The following SLC16A7 variants were observed in gnomAD, a reference collection of about 807,000 sequenced individuals.
SLC16A7 encodes the protein monocarboxylate transporter 2.
SLC16A7 carries 33 observed loss-of-function variants against 34.9 expected under a neutral mutation model. The ratio of observed to expected loss-of-function variants is 0.94; its 90% CI spans 0.72 to 1.26. SLC16A7 has a LOEUF of 1.26. SLC16A7 is among the 50% of genes most tolerant of loss of function. The probability of loss-of-function intolerance (pLI) is 0.00; values close to 1 mark genes in which losing one functional copy is unlikely to be tolerated. For synonymous variants in SLC16A7, 201 were observed against 206.6 expected (o/e 0.97, Z 0.23); for missense variants, 573 against 578.1 (o/e 0.99, Z 0.09).
intron 1 of SLC16A7, among the ~76,000 whole-genome samples, chr12:59,650,669 T>G (rs1287617616): frequency 6.6e-6 from 1 of 152,128 alleles, no homozygotes; most frequent in Non-Finnish European, 1.5e-5. Flanking sequence ...TCACATATAG[T>G]TATGTCCCAG....
chr12:59,739,541 TC>T (rs1243032758), intron 3 of SLC16A7, among the ~76,000 whole-genome samples: 6 of 144,700 alleles, frequency 4.1e-5, no homozygotes, highest in Non-Finnish European at 9.0e-5. Context: ...TGATTTATAG[TC>T]CTTTGGGTAT....
chr12:59,634,017 C>A (rs1484975245), intron 1 of SLC16A7, among the ~76,000 whole-genome samples: 1 of 152,056 alleles, frequency 6.6e-6, no homozygotes, highest in Non-Finnish European at 1.5e-5. Flanking sequence ...TGCTTAGTAA[C>A]CCTTACTGAT....
intron 2 of SLC16A7, among the ~76,000 whole-genome samples, chr12:59,704,363 G>A (rs891569660): frequency 2.0e-5 from 3 of 152,066 alleles, no homozygotes; most frequent in African/African-American, 4.8e-5. Context: ...CCTTGGCTTA[G>A]CCTTAAACAG....
chr12:59,613,251 A>G (rs2136970007), intron 1 of SLC16A7, among the ~76,000 whole-genome samples: 1 of 152,310 alleles, frequency 6.6e-6, no homozygotes, highest in South Asian at 2.1e-4. Context: ...CCCTTATAAA[A>G]CCATCAGATC....
chr12:59,706,643 T>A (rs139335791), intron 3 of SLC16A7, among the ~76,000 whole-genome samples: 51 of 152,230 alleles, frequency 3.4e-4, no homozygotes, highest in Middle Eastern at 6.8e-3. Context: ...AAACAGTAGG[T>A]ATTGTAGAGT....
Position 59,775,076 on chromosome 12 carries a change from T to C in SLC16A7, c.781T>C (p.Phe261Leu). The C allele has an allele frequency of 3.1e-6, 5 of 1,614,108 alleles. No homozygotes were observed. Among genetic ancestry groups the C allele is most frequent in the Non-Finnish European group, 4.2e-6 (5 of 1,180,000 alleles). Residue 261 changes from phenylalanine to leucine, a missense_variant, in exon 5 of 6, where the codon TTT becomes CTT. Phe to Leu is a conservative substitution (Grantham distance 22). Coordinates refer to ENST00000547379, the MANE Select transcript of SLC16A7 (RefSeq NM_001270623.2). Reference protein sequence around the residue: ...LSGNVIMFLGFFAPIIFLAPY... With the variant: ...LSGNVIMFLGLFAPIIFLAPY... ...TGGAAATGTCATTATGTTCCTAGGTTTTTTTGCCCCCATTATATTCTTGGC... is the reference window on the plus strand; with the variant it reads ...TGGAAATGTCATTATGTTCCTAGGTCTTTTTGCCCCCATTATATTCTTGGC...
At chr12:59,692,073 T>C (rs1490290372) in intron 2 of SLC16A7, among the ~76,000 whole-genome samples, 1 of 152,038 alleles carries the variant, frequency 6.6e-6, no homozygotes, top group African/African-American at 2.4e-5. Context: ...AAAAAGGTTC[T>C]ATGGGAGACT....
At chr12:59,615,274 T>C (rs1402674588) in intron 1 of SLC16A7, among the ~76,000 whole-genome samples, 1 of 152,088 alleles carries the variant, frequency 6.6e-6, no homozygotes, top group Non-Finnish European at 1.5e-5. Flanking sequence ...GTATTGTTTT[T>C]ATAGCAGCAC....
chr12:59,598,344 C>T (rs913793272), intron 1 of SLC16A7, among the ~76,000 whole-genome samples: 2 of 152,168 alleles, frequency 1.3e-5, no homozygotes, highest in Non-Finnish European at 2.9e-5. Context: ...AGAATACAGA[C>T]GGGCTATATT....
At chr12:59,707,553 A>G (rs951375654) in intron 3 of SLC16A7, among the ~76,000 whole-genome samples, 8 of 152,138 alleles carry the variant, frequency 5.3e-5, no homozygotes, top group African/African-American at 1.7e-4. Context: ...TAAAAGCACA[A>G]AAGAACTCTT....
intron 3 of SLC16A7, among the ~76,000 whole-genome samples, chr12:59,757,610 G>T (rs955815104): frequency 6.6e-6 from 1 of 152,030 alleles, no homozygotes; most frequent in Non-Finnish European, 1.5e-5. Context: ...ATGTCAGACA[G>T]AAATTTCTGT....
rs1474552093 is a variant in SLC16A7 at position 59,757,406 on chromosome 12, A to G, written c.218-13813A>G. On this transcript the variant is annotated intron_variant, in intron 3 of 5. Coordinates refer to ENST00000547379, the MANE Select transcript of SLC16A7 (RefSeq NM_001270623.2). ...ATCCCAGAACTTTAATAATAATAAA[A>G]AAAGAAGACAAAGTAGTTCCAGAAA... is the stretch of plus-strand genomic sequence containing the variant. 2.0e-5 allele frequency among the ~76,000 whole-genome samples: 3 copies of G among 152,284 alleles called. No individual in the cohort carries two copies. The East Asian group carries it at 5.8e-4, about 29-fold the overall frequency.
chr12:59,664,026 T>C (rs899816540), intron 2 of SLC16A7, among the ~76,000 whole-genome samples: 2 of 152,078 alleles, frequency 1.3e-5, no homozygotes, highest in Admixed American at 1.3e-4. Flanking sequence ...GGCATGCTGT[T>C]TGATAGAGAG....
intron 1 of SLC16A7, among the ~76,000 whole-genome samples, chr12:59,626,933 G>T (rs561311684): frequency 4.7e-4 from 71 of 151,976 alleles, no homozygotes; most frequent in Non-Finnish European, 8.3e-4. Context: ...AGAGACATTT[G>T]TAAATATTTG....
Position 59,695,417 on chromosome 12 carries a change from C to T in SLC16A7, c.-30-9355C>T, listed in dbSNP as rs189992617. Among the ~76,000 whole-genome samples, 77 of 152,128 alleles carry T rather than the reference C, an allele frequency of 5.1e-4. 1 individual carries two copies. Among genetic ancestry groups the T allele is most frequent in the African/African-American group, 1.8e-3 (75 of 41,532 alleles). On this transcript the variant is annotated intron_variant, in intron 2 of 5. Transcript: ENST00000547379. ...AGGACCAGAGCTGATGTATGAGCCTCTTCTCACTGCTCTAATCCCAGGCCC... is the reference window on the plus strand; with the variant it reads ...AGGACCAGAGCTGATGTATGAGCCTTTTCTCACTGCTCTAATCCCAGGCCC...
intron 2 of SLC16A7, among the ~76,000 whole-genome samples, chr12:59,661,766 G>T (rs1001143037): frequency 4.6e-5 from 7 of 152,026 alleles, no homozygotes; most frequent in Non-Finnish European, 1.0e-4. Flanking sequence ...TTTCTAGGAT[G>T]TATTAAAACT....
At chr12:59,655,464 A>C (rs1255189397) in intron 2 of SLC16A7, among the ~76,000 whole-genome samples, 3 of 151,884 alleles carry the variant, frequency 2.0e-5, no homozygotes. Context: ...CAAGAGACTA[A>C]GTCTCAGTTT....
At chr12:59,762,690 C>T (rs1445792772) in intron 3 of SLC16A7, among the ~76,000 whole-genome samples, 1 of 151,872 alleles carries the variant, frequency 6.6e-6, no homozygotes, top group African/African-American at 2.4e-5. Flanking sequence ...TGACTGTAGG[C>T]CTAGCTGCTT....
intron 2 of SLC16A7, chr12:59,696,249 A>G (rs950381334): frequency 2.0e-5 from 3 of 151,800 alleles, no homozygotes; most frequent in Non-Finnish European, 4.4e-5. Context: ...TCTTAGTTCT[A>G]TTATTATATT....
Sources: gnomAD v4.1 joint callset for allele counts (sites outside exome capture counted in the v4.1 genomes callset) on GRCh38, gnomAD v4.1.1 for gene constraint, MANE v1.5 for transcripts, NCBI Gene and HGNC (gene_info 2026-07-23, HGNC 2026-07-21) for gene names.